Variants in PLEKHA5 observed in about 807,000 individuals in gnomAD.
PLEKHA5 encodes pleckstrin homology domain containing A5, also known as pleckstrin homology domain-containing family A member 5.
In PLEKHA5, 55 loss-of-function variants were observed where a neutral mutation model predicts 181.9. That is an observed-to-expected ratio of 0.30 (90% CI 0.24 to 0.38). The LOEUF (loss-of-function observed/expected upper bound fraction) is 0.38, where lower values mean the gene tolerates loss of function less well. Among genes scored for constraint, PLEKHA5 ranks in the 10% least tolerant of loss-of-function variants. PLEKHA5 has a pLI of 1.00. For missense variants in PLEKHA5, 1,432 were observed against 1,549.5 expected, an observed-to-expected ratio of 0.92 and a Z score of 1.27; for synonymous variants, 535 against 529.4, an observed-to-expected ratio of 1.01 and a Z score of -0.15.
chr12:19,231,616 ACTCATAAAGCTTGAGTTAT>A (rs1479423032), intron 3 of PLEKHA5, among the ~76,000 whole-genome samples: 330 of 146,988 alleles, frequency 2.2e-3, no homozygotes, highest in Middle Eastern at 3.6e-3. Context: ...ATATATAAAT[ACTCATAAAGCTTGAGTTAT>A]TTTATATTCA....
chr12:19,326,697 C>T (rs764291683), intron 20 of PLEKHA5, among the ~76,000 whole-genome samples: 4 of 152,130 alleles, frequency 2.6e-5, no homozygotes, highest in Non-Finnish European at 4.4e-5. Context: ...GCATAGTACT[C>T]GATTTCAACC....
At chr12:19,156,360 A>T (rs925178088) in intron 3 of PLEKHA5, among the ~76,000 whole-genome samples, 3 of 152,154 alleles carry the variant, frequency 2.0e-5, no homozygotes, top group Admixed American at 2.0e-4. Flanking sequence ...AGTATTTCTC[A>T]GGTGAAACCC....
intron 3 of PLEKHA5, among the ~76,000 whole-genome samples, chr12:19,215,136 C>T (rs977106408): frequency 1.3e-5 from 2 of 151,796 alleles, no homozygotes; most frequent in African/African-American, 4.8e-5. Context: ...GAGATGGTGC[C>T]ACTGCACTCC....
rs150305504 is a variant in PLEKHA5 at position 19,345,050 on chromosome 12, A to G, written c.2663-792A>G. Among the ~76,000 whole-genome samples, 154 of 151,954 alleles carry G rather than the reference A, an allele frequency of 1.0e-3. No homozygotes were observed. The East Asian group carries it at 0.026, about 26-fold the overall frequency. On this transcript the variant is annotated intron_variant, in intron 22 of 31. Coordinates refer to ENST00000429027, the MANE Select transcript of PLEKHA5 (RefSeq NM_001256470.2). ...GGCAAGAGAATCTCTTGAACCCGGG[A>G]GGCAGAGATCACGCCACTGCACTCC...
intron 3 of PLEKHA5, among the ~76,000 whole-genome samples, chr12:19,216,294 A>G (rs1043146821): frequency 5.3e-5 from 8 of 152,198 alleles, no homozygotes; most frequent in Non-Finnish European, 1.0e-4. Context: ...AAAAAATCTA[A>G]GAGAGTAACA....
At chr12:19,306,400 G>C in intron 15 of PLEKHA5, 1 of 543,836 alleles carries the variant, frequency 1.8e-6, no homozygotes, top group South Asian at 1.5e-5. Context: ...GGCGTGCAGT[G>C]GGGTAGAGAA....
chr12:19,275,597 CTG>C (rs964619652), intron 11 of PLEKHA5, among the ~76,000 whole-genome samples: 1 of 152,050 alleles, frequency 6.6e-6, no homozygotes, highest in African/African-American at 2.4e-5. Flanking sequence ...GACCCTATCT[CTG>C]TAAAAAATTC....
intron 3 of PLEKHA5, among the ~76,000 whole-genome samples, chr12:19,134,070 C>G (rs1412636151): frequency 6.6e-6 from 1 of 151,940 alleles, no homozygotes; most frequent in Non-Finnish European, 1.5e-5. Context: ...ATTTTAATTT[C>G]TTTGCGTGCA....
intron 3 of PLEKHA5, among the ~76,000 whole-genome samples, chr12:19,248,449 T>A (rs2064352741): frequency 6.6e-6 from 1 of 152,098 alleles, no homozygotes; most frequent in African/African-American, 2.4e-5. Context: ...CCACCCTCCT[T>A]GGCCTCCCAA....
intron 3 of PLEKHA5, among the ~76,000 whole-genome samples, chr12:19,165,032 T>A (rs2043976848): frequency 6.6e-6 from 1 of 151,490 alleles, no homozygotes; most frequent in African/African-American, 2.4e-5. Context: ...CCAACTAACC[T>A]CCCCAAAATA....
intron 23 of PLEKHA5, 88 bp downstream of exon 23, chr12:19,345,976 C>A (rs1387105313): frequency 6.2e-6 from 4 of 645,886 alleles, no homozygotes; most frequent in Non-Finnish European, 8.1e-6. Flanking sequence ...ATCTTAATAA[C>A]AAAAATATTT....
intron 29 of PLEKHA5, among the ~76,000 whole-genome samples, chr12:19,362,584 C>A (rs2095287803): frequency 6.6e-6 from 1 of 151,892 alleles, no homozygotes. Flanking sequence ...TTACACTGTG[C>A]TTAGCACCTA....
At chr12:19,365,528 T>C (rs900070375) in intron 29 of PLEKHA5, among the ~76,000 whole-genome samples, 1 of 152,158 alleles carries the variant, frequency 6.6e-6, no homozygotes, top group African/African-American at 2.4e-5. Flanking sequence ...TGGATTAAAG[T>C]AGACTTTAAG....
intron 25 of PLEKHA5, among the ~76,000 whole-genome samples, chr12:19,350,844 T>C (rs1308967295): frequency 6.6e-6 from 1 of 152,214 alleles, no homozygotes; most frequent in Non-Finnish European, 1.5e-5. Flanking sequence ...TTGGAATATT[T>C]TTCTAGGTTA....
chr12:19,336,636 TTTATA>T lies in PLEKHA5; in HGVS notation c.2550+23_2550+27del. On this transcript the variant is annotated intron_variant, in intron 21 of 31. Transcript: ENST00000429027. ...GTTCAGGTACAAAAGTATAATATTC[TTTATA>T]TTGTTTTAACTGTTTTTACTGGTAC... 1 of 1,325,350 alleles carries T rather than the reference TTTATA, an allele frequency of 7.5e-7. No individual in the cohort carries two copies. Among genetic ancestry groups the T allele is most frequent in the South Asian group, 1.2e-5 (1 of 83,224 alleles). The allele number at this position is 1,325,350 out of a possible 1,614,324, so 82.1% of individuals were successfully genotyped here.
In PLEKHA5 at chr12:19,287,485, C is replaced by T; in HGVS notation, c.1792C>T (p.Pro598Ser). 3.1e-6 allele frequency: 5 copies of T among 1,608,540 alleles called. No homozygotes were observed. In the South Asian group the frequency reaches 5.5e-5, roughly 18 times the overall value. ...RAHHPKHVYV[P>S]DRRSVPAGLT... is the part of the protein sequence containing the mutation. ...TTTACTTTCCTAGCATGTCTATGTGCCTGACAGAAGGTCAGTGCCAGCTGG... is the reference window on the plus strand; with the variant it reads ...TTTACTTTCCTAGCATGTCTATGTGTCTGACAGAAGGTCAGTGCCAGCTGG... The change falls in exon 13 of 32, where the codon CCT (proline) becomes TCT (serine). Residue 598 changes from proline (P) to serine (S), a missense_variant. Pro to Ser is a moderately conservative substitution (Grantham distance 74, BLOSUM62 -1). This residue lies in a region of PLEKHA5 where 1,143 missense variants were observed against 1,168.4 expected (regional missense o/e 0.98). Transcript: ENST00000429027.
At chr12:19,268,942 T>G (rs2071539612) in intron 8 of PLEKHA5, among the ~76,000 whole-genome samples, 1 of 152,174 alleles carries the variant, frequency 6.6e-6, no homozygotes, top group Non-Finnish European at 1.5e-5. Context: ...TGGGTGTAGA[T>G]ACCTATAAAG....
rs148213898 is a variant in PLEKHA5, at chr12:19,158,750, G to A, written c.227+26300G>A. Among the ~76,000 whole-genome samples the A allele has an allele frequency of 1.9e-3, 295 of 152,242 alleles. 3 individuals carry two copies. The highest frequency in any genetic ancestry group is 6.6e-3 in the African/African-American group (276 of 41,554). The stretch of plus-strand genomic sequence containing the variant: ...GTTTTGAAGTTTTGAGAACAGACCT[G>A]TTTGTAGTTATGATCCAGTGGCATA... On this transcript the variant is annotated intron_variant, in intron 3 of 31. Transcript: ENST00000429027.
intron 28 of PLEKHA5, 21 bp from the exon 29 acceptor site, chr12:19,361,561 A>T (rs1368777667): frequency 2.4e-6 from 3 of 1,237,488 alleles, no homozygotes; most frequent in African/African-American, 3.1e-5. Context: ...TGAAAAGAAA[A>T]TTTTTCTTTT....
Sources: allele counts gnomAD v4.1 joint callset (sites outside exome capture counted in the v4.1 genomes callset), GRCh38; gene constraint gnomAD v4.1.1; regional missense constraint gnomAD v4.1.1; transcripts MANE v1.5; gene names NCBI Gene and HGNC (gene_info 2026-07-23, HGNC 2026-07-21).